Variants in SYT9 observed in about 807,000 individuals in gnomAD.
The protein encoded by SYT9 is synaptotagmin 9.
A neutral mutation model predicts 48.4 loss-of-function variants in SYT9; 22 were observed. The ratio of observed to expected loss-of-function variants is 0.45; its 90% CI spans 0.32 to 0.65. The LOEUF (loss-of-function observed/expected upper bound fraction) is 0.65. Ranked by LOEUF, SYT9 falls within the 30% of genes least tolerant of loss-of-function variation. The pLI is 0.03. For missense variants in SYT9, 577 were observed against 622.0 expected (o/e 0.93, Z 0.77); for synonymous variants, 265 against 245.0 (o/e 1.08, Z -0.76).
At chr11:7,361,431 T>A (rs1850134960) in intron 3 of SYT9, among the ~76,000 whole-genome samples, 1 of 152,242 alleles carries the variant, frequency 6.6e-6, no homozygotes, top group African/African-American at 2.4e-5. Context: ...TAACAGAGAC[T>A]TACTTTGTAG....
intron 3 of SYT9, among the ~76,000 whole-genome samples, chr11:7,349,661 A>G (rs921714922): frequency 2.6e-5 from 4 of 152,192 alleles, no homozygotes; most frequent in Admixed American, 2.0e-4. Flanking sequence ...CACATTGCCT[A>G]TATGCCAGAC....
At chr11:7,338,928 A>C (rs1427808187) in intron 3 of SYT9, among the ~76,000 whole-genome samples, 1 of 152,138 alleles carries the variant, frequency 6.6e-6, no homozygotes, top group Non-Finnish European at 1.5e-5. Flanking sequence ...TCTGTTGAAT[A>C]ATGGCAGTGG....
At chr11:7,417,857 G>A in intron 4 of SYT9, 100 bp from the exon 5 acceptor site, 1 of 1,271,652 alleles carries the variant, frequency 7.9e-7, no homozygotes, top group East Asian at 2.5e-5. Context: ...AGGTAAAGGA[G>A]TTCAGCATAC....
In SYT9 at chr11:7,309,425, T is replaced by C. The variant is rs115820791; in HGVS notation, c.498-3970T>C. Among the ~76,000 whole-genome samples the C allele has an allele frequency of 4.4e-3, 666 of 152,278 alleles. 7 individuals are homozygous for C. The highest frequency in any genetic ancestry group is 0.014 in the African/African-American group (572 of 41,558). ...CAGACCTACTCAGAGGACTGTCTGCTTCAGTCACAGATCTCTCTTTGCCAA... is the reference window on the plus strand; with the variant it reads ...CAGACCTACTCAGAGGACTGTCTGCCTCAGTCACAGATCTCTCTTTGCCAA... On this transcript the variant is annotated intron_variant, in intron 2 of 6. Transcript: ENST00000318881.
intron 1 of SYT9, among the ~76,000 whole-genome samples, chr11:7,262,840 T>G (rs1848104990): frequency 6.6e-6 from 1 of 152,054 alleles, no homozygotes; most frequent in Non-Finnish European, 1.5e-5. Flanking sequence ...AAAGACAGAA[T>G]AGTCTTTTAA....
intron 3 of SYT9, among the ~76,000 whole-genome samples, chr11:7,375,730 T>C (rs1850440913): frequency 6.6e-6 from 1 of 152,214 alleles, no homozygotes; most frequent in South Asian, 2.1e-4. Flanking sequence ...ATTATTGGTG[T>C]ATATGAATGC....
rs111465636 is a variant in SYT9 at position 7,310,474 on chromosome 11, T to C, written c.498-2921T>C. On this transcript the variant is annotated intron_variant, in intron 2 of 6. Transcript: ENST00000318881. ...TTTTTTTTTTTTTTTTGAGACGGAG[T>C]CTCACCCTGTCGCCCAGGCTGGAGT... is the stretch of plus-strand genomic sequence containing the variant. Among the ~76,000 whole-genome samples, 290 of 130,648 alleles carry C rather than the reference T, an allele frequency of 2.2e-3. 2 individuals are homozygous for C. The highest frequency in any genetic ancestry group is 8.4e-3 in the African/African-American group (280 of 33,432). The allele number at this position is 130,648 out of a possible 152,430, so 85.7% of individuals were successfully genotyped here.
chr11:7,345,216 G>C lies in SYT9; in HGVS notation c.1044+31275G>C, dbSNP rs186692619. Among the ~76,000 whole-genome samples, 1,484 of 152,202 alleles carry C rather than the reference G, an allele frequency of 9.8e-3. 12 individuals are homozygous for C. Among genetic ancestry groups the C allele is most frequent in the Non-Finnish European group, 0.014 (921 of 67,994 alleles). On this transcript the variant is annotated intron_variant, in intron 3 of 6. Coordinates refer to ENST00000318881, the MANE Select transcript of SYT9 (RefSeq NM_175733.4). ...ATGGCCTCTCCAGACTCCCAAGTCC[G>C]TTTCCTCAACTGAGGGAGCCCACTA...
chr11:7,256,030 T>C lies in SYT9; in HGVS notation c.145+3699T>C, dbSNP rs186504597. On this transcript the variant is annotated intron_variant, in intron 1 of 6. Coordinates refer to ENST00000318881, the MANE Select transcript of SYT9 (RefSeq NM_175733.4). Reference sequence around the variant, plus strand: ...TGGATCTTGATTATACTTTTTTTGGTCAAAAAGCATTAGTCTTATCTCTCT... The same window carrying C: ...TGGATCTTGATTATACTTTTTTTGGCCAAAAAGCATTAGTCTTATCTCTCT... Among the ~76,000 whole-genome samples the C allele has an allele frequency of 3.3e-5, 5 of 152,268 alleles. No homozygotes were observed. The East Asian group carries it at 9.6e-4, about 29-fold the overall frequency.
At chr11:7,293,051 C>T (rs371321544) in intron 1 of SYT9, among the ~76,000 whole-genome samples, 6 of 152,124 alleles carry the variant, frequency 3.9e-5, no homozygotes, top group African/African-American at 1.2e-4. Flanking sequence ...CTGCCCCATC[C>T]GGGCAATGCA....
intron 1 of SYT9, among the ~76,000 whole-genome samples, chr11:7,257,124 C>T (rs1483844271): frequency 1.3e-5 from 2 of 152,098 alleles, no homozygotes; most frequent in African/African-American, 4.8e-5. Context: ...TAATGTGCAG[C>T]CAAGTAGAGA....
chr11:7,409,792 T>C (rs1212347181), intron 3 of SYT9, among the ~76,000 whole-genome samples: 1 of 152,036 alleles, frequency 6.6e-6, no homozygotes, highest in African/African-American at 2.4e-5. Flanking sequence ...TTGTTTATCT[T>C]TTTTTTGAAG....
At chr11:7,348,274 T>C (rs1849839527) in intron 3 of SYT9, among the ~76,000 whole-genome samples, 1 of 152,160 alleles carries the variant, frequency 6.6e-6, no homozygotes, top group Non-Finnish European at 1.5e-5. Context: ...CAGTCTCTAT[T>C]AATCTGTTCC....
chr11:7,460,716 T>C (rs1848220666), intron 6 of SYT9, among the ~76,000 whole-genome samples: 1 of 152,204 alleles, frequency 6.6e-6, no homozygotes, highest in African/African-American at 2.4e-5. Context: ...AATTTTCTAG[T>C]GTATCAGATT....
intron 3 of SYT9, among the ~76,000 whole-genome samples, chr11:7,362,840 G>A (rs992001569): frequency 3.3e-5 from 5 of 150,880 alleles, no homozygotes; most frequent in South Asian, 2.1e-4. Context: ...TACATATATC[G>A]CCATGACTGA....
intron 1 of SYT9, among the ~76,000 whole-genome samples, chr11:7,289,784 T>G (rs1848666212): frequency 6.6e-6 from 1 of 152,248 alleles, no homozygotes; most frequent in South Asian, 2.1e-4. Context: ...CTACATTTCT[T>G]GGTCATATGG....
chr11:7,257,885 A>G (rs1401529431), intron 1 of SYT9, among the ~76,000 whole-genome samples: 1 of 152,144 alleles, frequency 6.6e-6, no homozygotes, highest in East Asian at 1.9e-4. Context: ...TCATGAGGTA[A>G]TTATCAAGAG....
intron 3 of SYT9, among the ~76,000 whole-genome samples, chr11:7,372,272 T>C (rs1332750444): frequency 3.9e-5 from 6 of 152,114 alleles, no homozygotes. Flanking sequence ...TTTTATTAAA[T>C]TTATGTGGGG....
intron 3 of SYT9, among the ~76,000 whole-genome samples, chr11:7,315,109 G>T (rs149736112): frequency 6.6e-6 from 1 of 152,322 alleles, no homozygotes; most frequent in East Asian, 1.9e-4. Flanking sequence ...ATGGGAGTCT[G>T]CTGGCCTTTA....
Sources: gnomAD v4.1 joint callset for allele counts (sites outside exome capture counted in the v4.1 genomes callset) on GRCh38, gnomAD v4.1.1 for gene constraint, MANE v1.5 for transcripts, NCBI Gene and HGNC (gene_info 2026-07-23, HGNC 2026-07-21) for gene names.